ENOX1: variants seen among roughly 807,000 people sequenced by gnomAD.
ENOX1 encodes candidate growth-related and time keeping constitutive hydroquinone (NADH) oxidase.
ENOX1 carries 42 observed loss-of-function variants against 82.5 expected under a neutral mutation model. The ratio of observed to expected loss-of-function variants is 0.51; its 90% CI spans 0.40 to 0.66. The LOEUF is 0.66. ENOX1 is among the 30% of genes least tolerant of loss of function. ENOX1 has a pLI of 0.00. For missense variants in ENOX1, 608 were observed against 811.6 expected (o/e 0.75, Z 3.05); for synonymous variants, 271 against 282.2 (o/e 0.96, Z 0.40).
At chr13:43,611,735 G>T (rs539972862) in intron 2 of ENOX1, among the ~76,000 whole-genome samples, 97 of 152,294 alleles carry the variant, frequency 6.4e-4, no homozygotes, top group African/African-American at 2.3e-3. Context: ...AACACTTCCA[G>T]AAACCACAGA....
chr13:43,410,301 T>C (rs1160302429), intron 5 of ENOX1, among the ~76,000 whole-genome samples: 1 of 152,106 alleles, frequency 6.6e-6, no homozygotes, highest in Non-Finnish European at 1.5e-5. Context: ...ATCTTTACTT[T>C]CAAGTTATTA....
chr13:43,636,291 G>A (rs960595349), intron 2 of ENOX1, among the ~76,000 whole-genome samples: 4 of 152,100 alleles, frequency 2.6e-5, no homozygotes, highest in Non-Finnish European at 4.4e-5. Flanking sequence ...AATTTCAAAC[G>A]ATAACATCTT....
intron 14 of ENOX1, among the ~76,000 whole-genome samples, chr13:43,237,696 G>A (rs1377534433): frequency 1.3e-5 from 2 of 152,192 alleles, no homozygotes; most frequent in Admixed American, 6.5e-5. Context: ...TTATAGGAGA[G>A]ATATTTAGAT....
intron 14 of ENOX1, among the ~76,000 whole-genome samples, chr13:43,255,470 T>C (rs938668726): frequency 1.3e-5 from 2 of 152,068 alleles, no homozygotes; most frequent in Admixed American, 6.5e-5. Flanking sequence ...AGCATCCAAA[T>C]TGGATGGAAG....
intron 1 of ENOX1, among the ~76,000 whole-genome samples, chr13:43,721,050 T>G (rs2088539294): frequency 6.6e-6 from 1 of 152,184 alleles, no homozygotes; most frequent in Non-Finnish European, 1.5e-5. Context: ...CAGTCCTTCC[T>G]TATTTACCGG....
At chr13:43,473,540 G>T (rs950507060) in intron 3 of ENOX1, among the ~76,000 whole-genome samples, 7 of 152,130 alleles carry the variant, frequency 4.6e-5, no homozygotes, top group African/African-American at 1.2e-4. Context: ...TTTTAGGAAA[G>T]AACTTCAAAA....
intron 2 of ENOX1, among the ~76,000 whole-genome samples, chr13:43,550,762 G>C (rs999852255): frequency 1.3e-5 from 2 of 152,150 alleles, no homozygotes; most frequent in Non-Finnish European, 2.9e-5. Context: ...AAGTTTCTAA[G>C]ACTTATCTTC....
At chr13:43,750,502 A>T (rs1406559205) in intron 1 of ENOX1, among the ~76,000 whole-genome samples, 1 of 152,120 alleles carries the variant, frequency 6.6e-6, no homozygotes, top group African/African-American at 2.4e-5. Flanking sequence ...GCTCAACTAC[A>T]CTGAGATACC....
At chr13:43,388,620 C>T (rs1236448198) in intron 5 of ENOX1, among the ~76,000 whole-genome samples, 1 of 152,116 alleles carries the variant, frequency 6.6e-6, no homozygotes, top group Non-Finnish European at 1.5e-5. Context: ...ATCAGCAGAG[C>T]AAATAATGGG....
intron 3 of ENOX1, among the ~76,000 whole-genome samples, chr13:43,470,359 T>C (rs2057989522): frequency 3.1e-5 from 2 of 63,756 alleles, no homozygotes; most frequent in Admixed American, 2.2e-4. Flanking sequence ...TATATGTATA[T>C]ATATACGTAT....
Position 43,516,645 on chromosome 13 carries a change from G to A in ENOX1, c.-218-32493C>T, listed in dbSNP as rs535063508. On this transcript the variant is annotated intron_variant, in intron 2 of 16. Coordinates refer to ENST00000690772, the MANE Select transcript of ENOX1 (RefSeq NM_001347969.2). ...GGGAAGAACAAAGCTGCAGTACTTT[G>A]GTTCTTTGGCTCCCGCTTCTGGAAA... is the stretch of plus-strand genomic sequence containing the variant. 1.4e-4 allele frequency among the ~76,000 whole-genome samples: 21 copies of A among 152,216 alleles called. No homozygotes were observed. The South Asian group carries it at 4.4e-3, about 32-fold the overall frequency.
chr13:43,476,788 G>T (rs1319921574), intron 3 of ENOX1, among the ~76,000 whole-genome samples: 1 of 152,136 alleles, frequency 6.6e-6, no homozygotes, highest in African/African-American at 2.4e-5. Context: ...GAAGTGAGAG[G>T]TTTTTGTAGC....
intron 3 of ENOX1, among the ~76,000 whole-genome samples, chr13:43,415,872 CCGGG>C (rs2054455172): frequency 6.8e-6 from 1 of 147,016 alleles, no homozygotes; most frequent in African/African-American, 2.5e-5. Context: ...GACGGGGCGG[CCGGG>C]CAGAGATGCT....
At chr13:43,407,613 T>C (rs1010193215) in intron 5 of ENOX1, among the ~76,000 whole-genome samples, 1 of 152,200 alleles carries the variant, frequency 6.6e-6, no homozygotes, top group Non-Finnish European at 1.5e-5. Flanking sequence ...TTAGGAATTG[T>C]ACGTAGTAGA....
chr13:43,630,860 T>TAC (rs373900524), intron 2 of ENOX1, among the ~76,000 whole-genome samples: 32 of 147,798 alleles, frequency 2.2e-4, no homozygotes, highest in African/African-American at 7.8e-4. Context: ...TATATATATA[T>TAC]ACACACACAC....
intron 5 of ENOX1, among the ~76,000 whole-genome samples, chr13:43,398,093 C>A (rs2053261384): frequency 6.6e-6 from 1 of 152,188 alleles, no homozygotes; most frequent in Non-Finnish European, 1.5e-5. Flanking sequence ...CACCCAAAGT[C>A]CCCATGTCCT....
intron 2 of ENOX1, chr13:43,547,430 T>G (rs1022492986): frequency 9.9e-5 from 15 of 152,210 alleles, no homozygotes; most frequent in African/African-American, 2.4e-4. Context: ...ACAAGATACA[T>G]GTATAAGAGA....
At chr13:43,469,731 C>A (rs2057903856) in intron 3 of ENOX1, among the ~76,000 whole-genome samples, 1 of 151,746 alleles carries the variant, frequency 6.6e-6, no homozygotes, top group South Asian at 2.1e-4. Context: ...AATCATAATC[C>A]CATTTGGCTA....
intron 5 of ENOX1, among the ~76,000 whole-genome samples, chr13:43,375,265 G>A (rs2051540495): frequency 6.6e-6 from 1 of 151,644 alleles, no homozygotes; most frequent in African/African-American, 2.4e-5. Context: ...CGGGGCGGGG[G>A]GTGAGTGAGA....
Sources: gnomAD v4.1 joint callset for allele counts (sites outside exome capture counted in the v4.1 genomes callset) on GRCh38, gnomAD v4.1.1 for gene constraint, MANE v1.5 for transcripts, NCBI Gene and HGNC (gene_info 2026-07-23, HGNC 2026-07-21) for gene names.